The following ZFP1 variants were observed in gnomAD, a reference collection of about 807,000 sequenced individuals.
The protein encoded by ZFP1 is ZFP1 zinc finger protein.
In ZFP1, 32 loss-of-function variants were observed where a neutral mutation model predicts 38.5. The ratio of observed to expected loss-of-function variants is 0.83; its 90% CI spans 0.63 to 1.12. The LOEUF is 1.12. Among genes scored for constraint, ZFP1 ranks in the 50% most tolerant of loss-of-function variants. ZFP1 has a pLI of 0.00. For missense variants in ZFP1, 616 were observed against 480.8 expected (o/e 1.28, Z -2.63); for synonymous variants, 245 against 168.8 (o/e 1.45, Z -3.50).
intron 1 of ZFP1, among the ~76,000 whole-genome samples, chr16:75,151,601 C>T (rs1008256678): frequency 2.0e-5 from 3 of 152,160 alleles, no homozygotes; most frequent in African/African-American, 7.2e-5. Flanking sequence ...GAACATTATA[C>T]TCCCAATTTC....
At chr16:75,150,945 T>C (rs2037170431) in intron 1 of ZFP1, among the ~76,000 whole-genome samples, 1 of 152,160 alleles carries the variant, frequency 6.6e-6, no homozygotes, top group Non-Finnish European at 1.5e-5. Flanking sequence ...TAGCTAGGAC[T>C]GCAGGTGTGC....
the ZFP1 span, among the ~76,000 whole-genome samples, chr16:75,126,577 T>C: frequency 6.6e-6 from 1 of 152,190 alleles, no homozygotes; most frequent in Non-Finnish European, 1.5e-5. Flanking sequence ...CTAATTTTTG[T>C]ATTTTTAGTA....
the ZFP1 span, among the ~76,000 whole-genome samples, chr16:75,124,487 A>T: frequency 1.3e-5 from 2 of 149,114 alleles, no homozygotes; most frequent in Non-Finnish European, 3.0e-5. Context: ...GTCATGTATA[A>T]AACAAGGTAA....
chr16:75,130,994 A>G, the ZFP1 span, among the ~76,000 whole-genome samples: 27 of 151,974 alleles, frequency 1.8e-4, no homozygotes, highest in Non-Finnish European at 3.4e-4. Flanking sequence ...CCTGATATCC[A>G]TTTATCATCT....
chr16:75,131,116 T>C, the ZFP1 span, among the ~76,000 whole-genome samples: 3 of 152,188 alleles, frequency 2.0e-5, no homozygotes, highest in African/African-American at 7.2e-5. Flanking sequence ...ACACACGCTG[T>C]GCCCTCGGTC....
intron 2 of ZFP1, among the ~76,000 whole-genome samples, chr16:75,153,745 A>C (rs919073733): frequency 6.6e-6 from 1 of 152,186 alleles, no homozygotes; most frequent in African/African-American, 2.4e-5. Flanking sequence ...CTCTGTGTAC[A>C]TTCTGTGTAT....
the ZFP1 span, among the ~76,000 whole-genome samples, chr16:75,129,443 G>C: frequency 6.6e-6 from 1 of 152,138 alleles, no homozygotes; most frequent in Non-Finnish European, 1.5e-5. Context: ...GTCAAGCTGG[G>C]AACTGCTTAG....
rs981941251 is a variant in ZFP1, at chr16:75,158,843, T to A, written c.15+5877T>A. ...AAGTGTTTATGGGTTAAAACTAATA[T>A]ATAGGTACTGTCTACATCTGCTCCT... On this transcript the variant is annotated intron_variant, in intron 2 of 3. Coordinates refer to ENST00000570010, the MANE Select transcript of ZFP1 (RefSeq NM_153688.4). 3.9e-5 allele frequency among the ~76,000 whole-genome samples: 6 copies of A among 152,010 alleles called. No individual in the cohort carries two copies. The East Asian group carries it at 1.2e-3, about 29-fold the overall frequency.
the ZFP1 span, among the ~76,000 whole-genome samples, chr16:75,128,270 C>T: frequency 6.6e-6 from 1 of 152,198 alleles, no homozygotes; most frequent in African/African-American, 2.4e-5. Context: ...CCCAACTCAT[C>T]AGTATTTGAT....
At chr16:75,163,114 G>A (rs1597069999) in intron 2 of ZFP1, among the ~76,000 whole-genome samples, 2 of 151,076 alleles carry the variant, frequency 1.3e-5, no homozygotes, top group African/African-American at 2.4e-5. Flanking sequence ...TCGCCATGTT[G>A]GCCAGGTTGG....
the ZFP1 span, among the ~76,000 whole-genome samples, chr16:75,128,322 A>G: frequency 7.9e-5 from 12 of 152,202 alleles, no homozygotes; most frequent in Admixed American, 7.9e-4. Context: ...AAAAAGTCTT[A>G]TCTGAGATTC....
chr16:75,137,777 C>T, the ZFP1 span, among the ~76,000 whole-genome samples: 1 of 152,028 alleles, frequency 6.6e-6, no homozygotes, highest in African/African-American at 2.4e-5. Context: ...CAAAATATTC[C>T]TTTAATGAGC....
the ZFP1 span, among the ~76,000 whole-genome samples, chr16:75,139,384 A>C: frequency 5.2e-4 from 77 of 149,216 alleles, 1 homozygote; most frequent in Non-Finnish European, 7.1e-4. Flanking sequence ...AAAAAAAAAA[A>C]AAAAAAAAAA....
At chr16:75,153,478 G>A (rs1275568818) in intron 2 of ZFP1, among the ~76,000 whole-genome samples, 1 of 152,058 alleles carries the variant, frequency 6.6e-6, no homozygotes. Context: ...ACAAATAAAA[G>A]CACAAACGTA....
At chr16:75,153,335 C>T (rs1253047242) in intron 2 of ZFP1, among the ~76,000 whole-genome samples, 1 of 152,152 alleles carries the variant, frequency 6.6e-6, no homozygotes, top group African/African-American at 2.4e-5. Flanking sequence ...TTTTTCCAGT[C>T]AGATTAGCCT....
chr16:75,131,801 T>G, the ZFP1 span, among the ~76,000 whole-genome samples: 1 of 151,532 alleles, frequency 6.6e-6, no homozygotes, highest in African/African-American at 2.4e-5. Context: ...CTGTCTCTAC[T>G]AAAAATACAA....
At chr16:75,152,582 T>G (rs1304371797) in intron 1 of ZFP1, among the ~76,000 whole-genome samples, 1 of 152,212 alleles carries the variant, frequency 6.6e-6, no homozygotes, top group Admixed American at 6.5e-5. Flanking sequence ...GTTGTCCACC[T>G]TTTCTAGTAA....
At chr16:75,126,085 G>C in the ZFP1 span, 5 of 149,474 alleles carry the variant, frequency 3.3e-5, no homozygotes, top group African/African-American at 1.2e-4. Flanking sequence ...GGTTTTCACT[G>C]TATTTTTTAA....
Position 75,170,183 on chromosome 16 carries a change from G to A in ZFP1, c.1073G>A (p.Gly358Asp), listed in dbSNP as rs1054118723. 1 of 1,614,014 alleles carries A rather than the reference G, an allele frequency of 6.2e-7. No homozygotes were observed. Among genetic ancestry groups the A allele is most frequent in the East Asian group, 2.2e-5 (1 of 44,890 alleles). The stretch of plus-strand genomic sequence containing the variant: ...AAACCCTATGAATGTACTGAGTGCG[G>A]CAAAACTTTCAGCCAGAGGTCAACT... ...GEKPYECTEC[G>D]KTFSQRSTLR... The change falls in exon 4 of 4, where the codon GGC becomes GAC. Residue 358 changes from glycine to aspartate, a missense_variant. Physicochemically the swap from Gly to Asp is moderately conservative, Grantham distance 94. Transcript: ENST00000570010.
Sources: gnomAD v4.1 joint callset for allele counts (sites outside exome capture counted in the v4.1 genomes callset) on GRCh38, gnomAD v4.1.1 for gene constraint, MANE v1.5 for transcripts, NCBI Gene and HGNC (gene_info 2026-07-23, HGNC 2026-07-21) for gene names.